ATP10A: variants seen among roughly 807,000 people sequenced by gnomAD.
ATP10A encodes the protein phospholipid-transporting ATPase VA.
In ATP10A, 111 loss-of-function variants were observed where a neutral mutation model predicts 147.8. That is an observed-to-expected ratio of 0.75 (90% CI 0.64 to 0.88). ATP10A has a LOEUF of 0.88. Ranked by LOEUF, ATP10A falls within the 40% of genes least tolerant of loss-of-function variation. The probability of loss-of-function intolerance (pLI) is 0.00; values close to 1 mark genes in which losing one functional copy is unlikely to be tolerated. For missense variants in ATP10A, 1,927 were observed against 1,959.0 expected, an observed-to-expected ratio of 0.98 and a Z score of 0.31; for synonymous variants, 875 against 841.6, an observed-to-expected ratio of 1.04 and a Z score of -0.69.
intron 15 of ATP10A, 45 bp from the exon 16 acceptor site, chr15:25,687,873 C>T (rs368687660): frequency 5.0e-5 from 80 of 1,612,736 alleles, no homozygotes; most frequent in Non-Finnish European, 6.4e-5. Flanking sequence ...GCCGACCTGG[C>T]GTCAGATTTG....
At chr15:25,785,487 C>G (rs1890116474) in intron 1 of ATP10A, among the ~76,000 whole-genome samples, 1 of 152,196 alleles carries the variant, frequency 6.6e-6, no homozygotes, top group South Asian at 2.1e-4. Flanking sequence ...GCCACGGCAG[C>G]CTGAGCTGAC....
chr15:25,846,151 G>A (rs533994910), intron 1 of ATP10A, among the ~76,000 whole-genome samples: 2 of 152,274 alleles, frequency 1.3e-5, no homozygotes, highest in Admixed American at 1.3e-4. Context: ...CAGGGGCTGG[G>A]CATGGGGGAA....
intron 2 of ATP10A, among the ~76,000 whole-genome samples, chr15:25,741,561 T>C (rs1054997506): frequency 6.6e-6 from 1 of 152,252 alleles, no homozygotes; most frequent in Non-Finnish European, 1.5e-5. Flanking sequence ...AATGGAATAA[T>C]TACCCCAACT....
At chr15:25,785,812 T>C (rs1376330791) in intron 1 of ATP10A, among the ~76,000 whole-genome samples, 2 of 152,148 alleles carry the variant, frequency 1.3e-5, no homozygotes, top group Non-Finnish European at 2.9e-5. Flanking sequence ...TGAATGGGCA[T>C]CCAGTTCTCT....
chr15:25,717,799 G>A (rs1442596696), intron 8 of ATP10A, among the ~76,000 whole-genome samples: 1 of 152,240 alleles, frequency 6.6e-6, no homozygotes, highest in Non-Finnish European at 1.5e-5. Flanking sequence ...GACAAGGCCA[G>A]GCAGAAAGTA....
chr15:25,691,026 G>A lies in ATP10A; in HGVS notation c.3165+689C>T, dbSNP rs966459622. ...CATGCCCAACAGATCATTACTGATC[G>A]AACCACTGAGTCAGCAAATGAATCA... On this transcript the variant is annotated intron_variant, in intron 15 of 20. Coordinates refer to ENST00000555815, the MANE Select transcript of ATP10A (RefSeq NM_024490.4). Among the ~76,000 whole-genome samples the A allele has an allele frequency of 1.2e-4, 18 of 152,068 alleles. 1 individual carries two copies. Among genetic ancestry groups the A allele is most frequent in the Non-Finnish European group, 2.2e-4 (15 of 68,010 alleles).
chr15:25,840,024 G>T (rs1771982622), intron 1 of ATP10A, among the ~76,000 whole-genome samples: 1 of 152,126 alleles, frequency 6.6e-6, no homozygotes, highest in African/African-American at 2.4e-5. Flanking sequence ...GACCCCTCAT[G>T]CTACCTCTCT....
At chr15:25,685,619 C>T (rs1438823980) in intron 16 of ATP10A, among the ~76,000 whole-genome samples, 5 of 151,956 alleles carry the variant, frequency 3.3e-5, no homozygotes, top group Non-Finnish European at 7.4e-5. Context: ...TAGCTTGAGG[C>T]CAGGAGTTTG....
chr15:25,741,151 C>T (rs921288929), intron 2 of ATP10A, among the ~76,000 whole-genome samples: 21 of 152,230 alleles, frequency 1.4e-4, no homozygotes, highest in Non-Finnish European at 1.5e-4. Flanking sequence ...GGAGCTGGCT[C>T]CCATTCCTCC....
At chr15:25,674,896 G>A (rs574161962), downstream of ATP10A, among the ~76,000 whole-genome samples, 5 of 152,336 alleles carry the variant, frequency 3.3e-5, no homozygotes, top group South Asian at 2.1e-4. Flanking sequence ...GGTTGCTGTC[G>A]CCCTCCAGCC....
intron 1 of ATP10A, among the ~76,000 whole-genome samples, chr15:25,833,476 A>G (rs900290376): frequency 1.3e-5 from 2 of 152,078 alleles, no homozygotes; most frequent in Non-Finnish European, 2.9e-5. Flanking sequence ...CCTCACTTTT[A>G]TTTATTTAAA....
intron 12 of ATP10A, among the ~76,000 whole-genome samples, chr15:25,704,656 G>C (rs1267344165): frequency 1.3e-5 from 2 of 152,208 alleles, no homozygotes; most frequent in African/African-American, 4.8e-5. Flanking sequence ...GTGCAGAATA[G>C]CATTGAACTG....
chr15:25,692,264 T>C (rs1453122654), intron 14 of ATP10A, among the ~76,000 whole-genome samples: 1 of 152,146 alleles, frequency 6.6e-6, no homozygotes, highest in South Asian at 2.1e-4. Context: ...ATTGCCACAG[T>C]ATTAGCCATT....
At position 25,776,159 on chromosome 15, in the gene ATP10A, TC is replaced by T. The variant is rs375336451; in HGVS notation, c.654+4859del. ...TTATATAAAATTATCAGTCTAGGGA[TC>T]TCCTAGTTCTGCAGAAATGACAAAT... On this transcript the variant is annotated intron_variant, in intron 2 of 20. Transcript: ENST00000555815. 9.5e-4 allele frequency among the ~76,000 whole-genome samples: 145 copies of T among 152,308 alleles called. 1 individual carries two copies. The East Asian group carries it at 0.026, about 27-fold the overall frequency.
intron 2 of ATP10A, among the ~76,000 whole-genome samples, chr15:25,739,371 C>G (rs181159019): frequency 6.6e-6 from 1 of 152,178 alleles, no homozygotes; most frequent in African/African-American, 2.4e-5. Context: ...TGTGGGCTTA[C>G]CAGAGCCCAC....
intron 2 of ATP10A, among the ~76,000 whole-genome samples, chr15:25,771,126 T>A (rs1350240927): frequency 6.6e-6 from 1 of 152,046 alleles, no homozygotes; most frequent in African/African-American, 2.4e-5. Context: ...TCAAACCCCG[T>A]GTTGCAAGTG....
At chr15:25,705,451 AAAC>A (rs1900924619) in intron 12 of ATP10A, among the ~76,000 whole-genome samples, 1 of 13,652 alleles carries the variant, frequency 7.3e-5, no homozygotes, top group African/African-American at 2.9e-4. Context: ...AAAAAAAAAA[AAAC>A]AAAAAAAAAA....
chr15:25,804,312 T>C (rs888970507), intron 1 of ATP10A, among the ~76,000 whole-genome samples: 5 of 151,306 alleles, frequency 3.3e-5, no homozygotes, highest in Admixed American at 1.3e-4. Context: ...CGTGTGTGTC[T>C]AATTGTGCTT....
At position 25,709,821 on chromosome 15, in the gene ATP10A, G is replaced by A. The variant is rs973187295; in HGVS notation, c.2345-1521C>T. On this transcript the variant is annotated intron_variant, in intron 10 of 20. Coordinates refer to ENST00000555815, the MANE Select transcript of ATP10A (RefSeq NM_024490.4). Reference sequence around the variant, plus strand: ...TGACTTTTCCCTTACATGTCCTGCCGCACCTACCACTGGGCAGTCACTGCG... The same window carrying A: ...TGACTTTTCCCTTACATGTCCTGCCACACCTACCACTGGGCAGTCACTGCG... The A allele has an allele frequency of 9.8e-5, 15 of 152,496 alleles. No homozygotes were observed. In the East Asian group the frequency reaches 1.2e-3, roughly 12 times the overall value. 9.4% of individuals were successfully genotyped at this position (152,496 alleles called of 1,614,324 possible).
Sources: gnomAD v4.1 joint callset for allele counts (sites outside exome capture counted in the v4.1 genomes callset) on GRCh38, gnomAD v4.1.1 for gene constraint, MANE v1.5 for transcripts, NCBI Gene and HGNC (gene_info 2026-07-23, HGNC 2026-07-21) for gene names.